Variants in NOD2 observed in about 807,000 individuals in gnomAD.
The protein encoded by NOD2 is nucleotide binding oligomerization domain containing 2.
Under a neutral mutation model 90.9 loss-of-function variants are expected in NOD2, and 86 were observed. That is an observed-to-expected ratio of 0.95 (90% CI 0.79 to 1.13). The LOEUF (loss-of-function observed/expected upper bound fraction) is 1.13, where lower values mean the gene tolerates loss of function less well. NOD2 is among the 50% of genes most tolerant of loss of function. The pLI is 0.00. For synonymous variants in NOD2, 581 were observed against 554.6 expected, an observed-to-expected ratio of 1.05 and a Z score of -0.67; for missense variants, 1,238 against 1,283.8, an observed-to-expected ratio of 0.96 and a Z score of 0.55.
chr16:50,712,282 CG>C lies in NOD2; in HGVS notation c.2292del (p.Val766TrpfsTer56). On this transcript the variant is annotated frameshift_variant, in exon 4 of 12. Coordinates refer to ENST00000647318, the MANE Select transcript of NOD2 (RefSeq NM_001370466.1). LOFTEE classifies it high-confidence loss of function. Reference sequence around the variant, plus strand: ...GGCCTTTGTGCTGCAGCACCTCCGGCGGCCCGTGGCCCTGCAGCTGGACTAC... The same window carrying C: ...GGCCTTTGTGCTGCAGCACCTCCGGCGCCCGTGGCCCTGCAGCTGGACTAC... ...ALAFVLQHLRRPVALQLDYNS... is the reference protein window; with the variant it reads ...ALAFVLQHLRXPVALQLDYNS... 6.2e-7 allele frequency: 1 copy of C among 1,613,922 alleles called. No homozygotes were observed. The highest frequency in any genetic ancestry group is 2.2e-5 in the East Asian group (1 of 44,876).
chr16:50,704,254 A>G (rs1220053733), intron 2 of NOD2, among the ~76,000 whole-genome samples: 1 of 152,116 alleles, frequency 6.6e-6, no homozygotes, highest in Non-Finnish European at 1.5e-5. Flanking sequence ...ATTTCCCTAC[A>G]TGGTCTTCCT....
chr16:50,721,067 A>G (rs1696033029), intron 7 of NOD2, among the ~76,000 whole-genome samples: 2 of 150,640 alleles, frequency 1.3e-5, no homozygotes, highest in Non-Finnish European at 3.0e-5. Context: ...GGCCTCCCAA[A>G]GTGCTGGGAT....
At chr16:50,694,001 G>T (rs1333868874) in intron 1 of NOD2, among the ~76,000 whole-genome samples, 3 of 152,102 alleles carry the variant, frequency 2.0e-5, no homozygotes, top group African/African-American at 7.2e-5. Context: ...ACCTCTTATG[G>T]GAATCTCCTG....
At chr16:50,697,041 G>A (rs1963679191) in intron 1 of NOD2, 2 of 625,334 alleles carry the variant, frequency 3.2e-6, no homozygotes, top group East Asian at 5.5e-5. Context: ...ACAAGGCTTT[G>A]TGCCAGAATT....
At chr16:50,702,324 T>G (rs966254283) in intron 2 of NOD2, among the ~76,000 whole-genome samples, 1 of 152,082 alleles carries the variant, frequency 6.6e-6, no homozygotes, top group Non-Finnish European at 1.5e-5. Context: ...CTGAGCTGAG[T>G]GGGTAGCAGG....
chr16:50,731,996 C>T lies in NOD2; in HGVS notation c.*177C>T, dbSNP rs1965473787. On this transcript the variant is annotated 3_prime_UTR_variant, in exon 12 of 12. Coordinates refer to ENST00000647318, the MANE Select transcript of NOD2 (RefSeq NM_001370466.1). ...TTTATTCTGGCAGAGGAGGGAGCATCAGTGCCCTCCAGGATAGACTTTTCC... is the reference window on the plus strand; with the variant it reads ...TTTATTCTGGCAGAGGAGGGAGCATTAGTGCCCTCCAGGATAGACTTTTCC... The T allele has an allele frequency of 6.1e-6, 4 of 659,534 alleles. No homozygotes were observed. In the Admixed American group the frequency reaches 8.4e-5, roughly 14 times the overall value. The allele number at this position is 659,534 out of a possible 1,614,324, so 40.9% of individuals were successfully genotyped here.
At chr16:50,696,870 A>G (rs1475118826) in intron 1 of NOD2, among the ~76,000 whole-genome samples, 1 of 152,222 alleles carries the variant, frequency 6.6e-6, no homozygotes, top group Non-Finnish European at 1.5e-5. Flanking sequence ...ACAGAAGCCC[A>G]ACGTCACTAG....
At position 50,711,905 on chromosome 16, in the gene NOD2, A is replaced by C. The variant is rs1310112406; in HGVS notation, c.1913A>C (p.Lys638Thr). The change falls in exon 4 of 12, where the codon AAG (lysine) becomes ACG (threonine). Residue 638 changes from lysine to threonine, a missense_variant. Lys to Thr is a moderately conservative substitution (Grantham distance 78). Around this residue, in one of 3 missense-constraint regions of NOD2, gnomAD observed 667 missense variants for 688.7 expected, o/e 0.97. Coordinates refer to ENST00000647318, the MANE Select transcript of NOD2 (RefSeq NM_001370466.1). ...KDSSVAALLQ[K>T]AEPHNLQITA... The stretch of plus-strand genomic sequence containing the variant: ...AGCAGCGTGGCAGCTTTGCTGCAGA[A>C]GGCCGAGCCGCACAACCTTCAGATC... The C allele has an allele frequency of 6.2e-7, 1 of 1,608,548 alleles. No homozygotes were observed. The highest frequency in any genetic ancestry group is 1.3e-5 in the African/African-American group (1 of 74,954).
Position 50,732,379 on chromosome 16 carries a change from G to C in NOD2, c.*560G>C. ...TCTGAGGCTGAAATTCAGAATATTA[G>C]TGACCTCAGCTTTGATATTTCACTT... On this transcript the variant is annotated 3_prime_UTR_variant, in exon 12 of 12. Transcript: ENST00000647318. The C allele has an allele frequency of 1.8e-5, 3 of 168,090 alleles. No individual in the cohort carries two copies. The South Asian group carries it at 4.4e-4, about 24-fold the overall frequency. 10.4% of individuals were successfully genotyped at this position (168,090 alleles called of 1,614,324 possible).
Position 50,699,919 on chromosome 16 carries a change from G to A in NOD2, c.424G>A (p.Glu142Lys). The A allele has an allele frequency of 6.2e-7, 1 of 1,610,722 alleles. No homozygotes were observed. Among genetic ancestry groups the A allele is most frequent in the Non-Finnish European group, 8.5e-7 (1 of 1,179,996 alleles). ...RGFVSQYECD[E>K]IRLPIFTPSQ... ...TTTCGTCAGCCAGTATGAATGTGAT[G>A]AAATCAGGTTGCCGATCTTCACACC... is the stretch of plus-strand genomic sequence containing the variant. Residue 142 changes from glutamate to lysine, a missense_variant, in exon 2 of 12, where the codon GAA becomes AAA. By Grantham distance (56) the Glu-to-Lys change is moderately conservative. Around this residue, in one of 3 missense-constraint regions of NOD2, gnomAD observed 567 missense variants for 577.3 expected, o/e 0.98. Transcript: ENST00000647318.
At chr16:50,709,962 A>C (rs1964383537) in intron 3 of NOD2, 1 of 455,974 alleles carries the variant, frequency 2.2e-6, no homozygotes, top group Non-Finnish European at 4.4e-6. Context: ...ACTGAGGCCC[A>C]GAAAGGCTAA....
chr16:50,697,656 T>C, intron 1 of NOD2: 1 of 388,012 alleles, frequency 2.6e-6, no homozygotes, highest in Non-Finnish European at 4.9e-6. Flanking sequence ...GGAGGAGAAC[T>C]CCTTGGCCTG....
intron 8 of NOD2, 36 bp downstream of exon 8, chr16:50,722,741 G>A (rs1351831291): frequency 1.2e-5 from 19 of 1,594,998 alleles, no homozygotes; most frequent in Non-Finnish European, 1.6e-5. Flanking sequence ...TTTTCTTGGG[G>A]AGATCAGGTG....
chr16:50,707,057 G>T (rs529549571), intron 2 of NOD2, among the ~76,000 whole-genome samples: 2 of 152,268 alleles, frequency 1.3e-5, no homozygotes, highest in African/African-American at 4.8e-5. Flanking sequence ...GGCTATTGTG[G>T]ATTAAATAGA....
At chr16:50,707,732 G>A (rs559651708) in intron 2 of NOD2, 123 bp from the exon 3 acceptor site, 1 of 777,940 alleles carries the variant, frequency 1.3e-6, no homozygotes, top group Non-Finnish European at 2.3e-6. Flanking sequence ...TTGTTCGGTT[G>A]TTTTTTTGAC....
At chr16:50,723,934 C>A (rs577422012) in intron 9 of NOD2, among the ~76,000 whole-genome samples, 2 of 152,252 alleles carry the variant, frequency 1.3e-5, no homozygotes, top group Non-Finnish European at 2.9e-5. Flanking sequence ...ACTACTACTA[C>A]TAATAAAGTT....
intron 4 of NOD2, among the ~76,000 whole-genome samples, chr16:50,714,050 A>T (rs2150818607): frequency 6.6e-6 from 1 of 152,310 alleles, no homozygotes; most frequent in South Asian, 2.1e-4. Context: ...CTGTTGGAGC[A>T]ATTTCCCTGA....
Position 50,720,647 on chromosome 16 carries a change from C to G in NOD2, c.2633+639C>G, listed in dbSNP as rs377323339. 9.8e-5 allele frequency among the ~76,000 whole-genome samples: 15 copies of G among 152,328 alleles called. No individual in the cohort carries two copies. The East Asian group carries it at 2.7e-3, about 27-fold the overall frequency. The stretch of plus-strand genomic sequence containing the variant: ...GCACCTGTGCTGTTTCCAGCAGCCT[C>G]TCTCCTATCCTGTCATGCCCTAGTG... On this transcript the variant is annotated intron_variant, in intron 7 of 11. Transcript: ENST00000647318.
rs771607438 is a variant in NOD2 at position 50,711,758 on chromosome 16, C to A, written c.1766C>A (p.Ala589Glu). ...FQCFFAAFYL[A>E]LSADVPPALL... is the part of the protein sequence containing the mutation. ...TGCTTCTTTGCCGCGTTCTACCTGG[C>A]ACTCAGTGCTGATGTGCCACCAGCT... The change falls in exon 4 of 12, where the codon GCA becomes GAA. Residue 589 changes from alanine to glutamate, a missense_variant. Around this residue, in one of 3 missense-constraint regions of NOD2, gnomAD observed 667 missense variants for 688.7 expected, o/e 0.97. Coordinates refer to ENST00000647318, the MANE Select transcript of NOD2 (RefSeq NM_001370466.1). 1 of 1,614,114 alleles carries A rather than the reference C, an allele frequency of 6.2e-7. No homozygotes were observed. The highest frequency in any genetic ancestry group is 2.2e-5 in the East Asian group (1 of 44,900).
Sources: allele counts gnomAD v4.1 joint callset (sites outside exome capture counted in the v4.1 genomes callset), GRCh38; gene constraint gnomAD v4.1.1; regional missense constraint gnomAD v4.1.1; transcripts MANE v1.5; gene names NCBI Gene and HGNC (gene_info 2026-07-23, HGNC 2026-07-21).